ARMC3: variants seen among roughly 807,000 people sequenced by gnomAD.
ARMC3 encodes armadillo repeat containing 3.
ARMC3 carries 74 observed loss-of-function variants against 90.3 expected under a neutral mutation model. The ratio of observed to expected loss-of-function variants is 0.82; its 90% CI spans 0.68 to 0.99. The LOEUF (loss-of-function observed/expected upper bound fraction) is 0.99, where lower values mean the gene tolerates loss of function less well. Among genes scored for constraint, ARMC3 ranks in the 50% least tolerant of loss-of-function variants. ARMC3 has a pLI of 0.00. For missense variants in ARMC3, 958 were observed against 1,042.8 expected, an observed-to-expected ratio of 0.92 and a Z score of 1.12; for synonymous variants, 334 against 361.8, an observed-to-expected ratio of 0.92 and a Z score of 0.87.
intron 2 of ARMC3, among the ~76,000 whole-genome samples, chr10:22,935,178 C>A (rs1270879112): frequency 6.6e-6 from 1 of 152,122 alleles, no homozygotes; most frequent in Admixed American, 6.5e-5. Context: ...ACACAGGAAG[C>A]TAAGCAGGGT....
chr10:23,028,009 G>T (rs1838783546), intron 16 of ARMC3, among the ~76,000 whole-genome samples: 1 of 152,074 alleles, frequency 6.6e-6, no homozygotes, highest in South Asian at 2.1e-4. Context: ...AAGCATGGTG[G>T]CACACACCTG....
At chr10:23,021,920 T>C (rs1205678246) in intron 16 of ARMC3, among the ~76,000 whole-genome samples, 1 of 152,212 alleles carries the variant, frequency 6.6e-6, no homozygotes, top group South Asian at 2.1e-4. Flanking sequence ...GTACCTTGTC[T>C]TTTTATTCCC....
At chr10:22,949,194 T>G (rs1322077557) in intron 3 of ARMC3, among the ~76,000 whole-genome samples, 1 of 152,158 alleles carries the variant, frequency 6.6e-6, no homozygotes, top group African/African-American at 2.4e-5. Flanking sequence ...GAAAAAAATC[T>G]TAAGAATACA....
At chr10:22,984,827 A>T (rs952250848) in intron 10 of ARMC3, among the ~76,000 whole-genome samples, 2 of 151,770 alleles carry the variant, frequency 1.3e-5, no homozygotes, top group East Asian at 3.9e-4. Flanking sequence ...ACTTTTAAAA[A>T]TTTGCGATAA....
At chr10:23,003,193 C>T in intron 12 of ARMC3, 53 bp from the exon 13 acceptor site, 1 of 1,511,122 alleles carries the variant, frequency 6.6e-7, no homozygotes, top group South Asian at 1.3e-5. Context: ...AGTGGAGACT[C>T]AGTATTGGAT....
intron 16 of ARMC3, among the ~76,000 whole-genome samples, chr10:23,016,217 T>C (rs1394660839): frequency 6.6e-6 from 1 of 152,220 alleles, no homozygotes; most frequent in Non-Finnish European, 1.5e-5. Context: ...ATTTTCCACA[T>C]AACAAAATCT....
At chr10:22,990,866 T>C (rs1836676631) in intron 10 of ARMC3, among the ~76,000 whole-genome samples, 1 of 152,140 alleles carries the variant, frequency 6.6e-6, no homozygotes, top group Non-Finnish European at 1.5e-5. Context: ...CTCACTCCAG[T>C]AGGCACCTTG....
At chr10:22,939,464 T>A (rs1834237882) in intron 2 of ARMC3, among the ~76,000 whole-genome samples, 1 of 152,188 alleles carries the variant, frequency 6.6e-6, no homozygotes, top group South Asian at 2.1e-4. Context: ...GAGGGTCTTA[T>A]TGAATACCTG....
intron 7 of ARMC3, among the ~76,000 whole-genome samples, chr10:22,964,889 T>C (rs1835382414): frequency 6.6e-6 from 1 of 152,170 alleles, no homozygotes; most frequent in South Asian, 2.1e-4. Context: ...AGAGTTAATA[T>C]TGAACTACTT....
chr10:22,936,974 G>A (rs182531232), intron 2 of ARMC3, among the ~76,000 whole-genome samples: 8 of 152,100 alleles, frequency 5.3e-5, no homozygotes, highest in Admixed American at 5.2e-4. Context: ...CACAATCATG[G>A]CTCACTGCAG....
At chr10:22,972,548 C>G (rs1409252861) in intron 8 of ARMC3, among the ~76,000 whole-genome samples, 2 of 152,190 alleles carry the variant, frequency 1.3e-5, no homozygotes, top group Non-Finnish European at 2.9e-5. Flanking sequence ...ATTCCAGTTT[C>G]AAGTTGTGTC....
At chr10:22,963,885 T>TCACACA (rs1835310583) in intron 7 of ARMC3, among the ~76,000 whole-genome samples, 1 of 75,742 alleles carries the variant, frequency 1.3e-5, no homozygotes, top group African/African-American at 6.0e-5. Flanking sequence ...CGAGACTCTG[T>TCACACA]CTCACACACA....
At chr10:23,036,132 G>A (rs183380999) in intron 18 of ARMC3, among the ~76,000 whole-genome samples, 3 of 152,106 alleles carry the variant, frequency 2.0e-5, no homozygotes, top group Admixed American at 6.6e-5. Flanking sequence ...GATTTACAAG[G>A]CTTTGACACG....
At chr10:23,019,071 G>C (rs11013249) in intron 16 of ARMC3, among the ~76,000 whole-genome samples, 18,350 of 152,250 alleles carry the variant, frequency 0.12, 1,586 homozygotes, top group African/African-American at 0.25. Context: ...GTGGAAAGTA[G>C]AGAAAGTAAG....
intron 13 of ARMC3, among the ~76,000 whole-genome samples, chr10:23,004,475 T>C (rs1837479866): frequency 6.6e-6 from 1 of 151,234 alleles, no homozygotes; most frequent in African/African-American, 2.4e-5. Flanking sequence ...GGGCTAAAGA[T>C]GGCAGAGCTC....
intron 4 of ARMC3, among the ~76,000 whole-genome samples, chr10:22,958,770 A>G (rs1345619118): frequency 2.0e-5 from 3 of 152,170 alleles, no homozygotes. Flanking sequence ...TGCCCAGGCT[A>G]GAGTACAGTG....
intron 7 of ARMC3, 132 bp downstream of exon 7, chr10:22,962,210 T>G (rs1835229715): frequency 1.6e-6 from 1 of 620,756 alleles, no homozygotes; most frequent in African/African-American, 1.9e-5. Flanking sequence ...ATAAAGTTTA[T>G]TGGCCTGCTT....
chr10:22,932,525 C>A (rs957168238), intron 2 of ARMC3, among the ~76,000 whole-genome samples: 1 of 152,166 alleles, frequency 6.6e-6, no homozygotes, highest in Non-Finnish European at 1.5e-5. Context: ...ATTTTTATTC[C>A]AAATGCTAAG....
intron 1 of ARMC3, among the ~76,000 whole-genome samples, chr10:22,930,133 CTT>C: frequency 6.7e-6 from 1 of 149,642 alleles, no homozygotes; most frequent in Non-Finnish European, 1.5e-5. Flanking sequence ...TAAACTCTCT[CTT>C]TTTTTTTTCC....
Sources: gnomAD v4.1 joint callset for allele counts (sites outside exome capture counted in the v4.1 genomes callset) on GRCh38, gnomAD v4.1.1 for gene constraint, MANE v1.5 for transcripts, NCBI Gene and HGNC (gene_info 2026-07-23, HGNC 2026-07-21) for gene names.